Variants in NOCT observed in about 807,000 individuals in gnomAD.
The protein encoded by NOCT is nocturnin, also known as CCR4 carbon catabolite repression 4-like.
In NOCT, 18 loss-of-function variants were observed where a neutral mutation model predicts 35.0. The ratio of observed to expected loss-of-function variants is 0.51; its 90% confidence interval spans 0.36 to 0.76. The LOEUF is 0.76. NOCT is among the 30% of genes least tolerant of loss of function. NOCT has a pLI of 0.01. For synonymous variants in NOCT, 235 were observed against 226.3 expected (o/e 1.04, Z -0.34); for missense variants, 479 against 541.0 (o/e 0.89, Z 1.14).
rs545533241 is a variant in NOCT, at chr4:139,045,913, A to G, written c.*439A>G. On this transcript the variant is annotated 3_prime_UTR_variant, in exon 3 of 3. Coordinates refer to ENST00000280614, the MANE Select transcript of NOCT (RefSeq NM_012118.4). ...TTAGTCCCTTTTTCAATTAAAACCT[A>G]TGGTGAAAAAGGCGTTTGCACTCCA... is the stretch of plus-strand genomic sequence containing the variant. The G allele has an allele frequency of 1.3e-5, 2 of 153,366 alleles. No homozygotes were observed. Among genetic ancestry groups the G allele is most frequent in the African/African-American group, 4.8e-5 (2 of 41,538 alleles). The allele number at this position is 153,366 out of a possible 1,614,324, so 9.5% of individuals were successfully genotyped here.
chr4:139,044,678 T>A lies in NOCT; in HGVS notation c.500T>A (p.Val167Asp), dbSNP rs777805750. The change falls in exon 3 of 3, where the codon GTT becomes GAT. Residue 167 changes from valine to aspartate, a missense_variant. Val to Asp is a radical substitution (Grantham distance 152, BLOSUM62 -3). This residue lies in a region of NOCT where 265 missense variants were observed against 257.0 expected (regional missense o/e 1.03). Transcript: ENST00000280614. ...EGKDNFVQCPVEALKWEERKC... is the reference protein window; with the variant it reads ...EGKDNFVQCPDEALKWEERKC... ...AAAGACAACTTTGTACAGTGCCCTG[T>A]TGAAGCACTCAAATGGGAAGAAAGG... is the stretch of plus-strand genomic sequence containing the variant. The A allele has an allele frequency of 3.1e-6, 5 of 1,614,134 alleles. No individual in the cohort carries two copies. The highest frequency in any genetic ancestry group is 4.2e-6 in the Non-Finnish European group (5 of 1,179,976).
Position 139,017,560 on chromosome 4 carries a change from G to A in NOCT, c.190+1389G>A, listed in dbSNP as rs147099002. On this transcript the variant is annotated intron_variant, in intron 1 of 2. Coordinates refer to ENST00000280614, the MANE Select transcript of NOCT (RefSeq NM_012118.4). ...AATTTAAAAAAATAGGCCGGGCGCG[G>A]TGGCTCACGCCTGTAATCCAGCACT... Among the ~76,000 whole-genome samples the A allele has an allele frequency of 6.6e-5, 10 of 150,864 alleles. No homozygotes were observed. In the East Asian group the frequency reaches 2.0e-3, roughly 31 times the overall value.
chr4:139,038,325 G>A lies in NOCT; in HGVS notation c.191-4749G>A, dbSNP rs903156193. ...TTTTGAGGCCTTAGAATTTGGTCAC[G>A]CTGCAGTATATCCTGCATCTCAAAA... is the stretch of plus-strand genomic sequence containing the variant. On this transcript the variant is annotated intron_variant, in intron 1 of 2. Coordinates refer to ENST00000280614, the MANE Select transcript of NOCT (RefSeq NM_012118.4). Among the ~76,000 whole-genome samples, 21 of 152,038 alleles carry A rather than the reference G, an allele frequency of 1.4e-4. 1 individual carries two copies. The highest frequency in any genetic ancestry group is 2.4e-5 in the African/African-American group (1 of 41,412).
intron 1 of NOCT, among the ~76,000 whole-genome samples, chr4:139,020,794 A>T (rs1485046144): frequency 6.6e-6 from 1 of 152,102 alleles, no homozygotes; most frequent in Non-Finnish European, 1.5e-5. Flanking sequence ...GGCCGGGCAC[A>T]GTGGTTCACG....
Position 139,044,751 on chromosome 4 carries a change from G to C in NOCT, c.573G>C (p.Leu191Phe). 1 of 1,614,102 alleles carries C rather than the reference G, an allele frequency of 6.2e-7. No individual in the cohort carries two copies. Among genetic ancestry groups the C allele is most frequent in the Non-Finnish European group, 8.5e-7 (1 of 1,179,980 alleles). The change falls in exon 3 of 3, where the codon TTG (leucine) becomes TTC (phenylalanine). Residue 191 changes from leucine to phenylalanine, a missense_variant. By Grantham distance (22) the Leu-to-Phe change is conservative (BLOSUM62 0). Transcript: ENST00000280614. ...TCCTGGCCTACCAGCCTGATATATT[G>C]TGCCTCCAAGAGGTGGACCACTATT... is the stretch of plus-strand genomic sequence containing the variant. ...EEILAYQPDI[L>F]CLQEVDHYFD... is the part of the protein sequence containing the mutation.
chr4:139,030,186 A>T (rs1459759729), intron 1 of NOCT, among the ~76,000 whole-genome samples: 1 of 152,158 alleles, frequency 6.6e-6, no homozygotes, highest in East Asian at 1.9e-4. Flanking sequence ...GCCTAGAGTT[A>T]CGTTTAATGG....
At chr4:139,043,968 T>G (rs1726885570) in intron 2 of NOCT, 1 of 122,984 alleles carries the variant, frequency 8.1e-6, no homozygotes, top group Non-Finnish European at 1.7e-5. Context: ...AGACACTGTC[T>G]CAAAAAAATA....
chr4:139,044,188 C>G (rs1269969411), intron 2 of NOCT, among the ~76,000 whole-genome samples: 1 of 150,078 alleles, frequency 6.7e-6, no homozygotes, highest in African/African-American at 2.4e-5. Context: ...ATCTTTGATT[C>G]TTTTTCCCTA....
At chr4:139,036,283 C>G (rs1022261115) in intron 1 of NOCT, among the ~76,000 whole-genome samples, 3 of 151,946 alleles carry the variant, frequency 2.0e-5, no homozygotes, top group Non-Finnish European at 4.4e-5. Context: ...TCTAGAGAGA[C>G]AGAGTCTTGC....
At chr4:139,036,734 A>G (rs184551607) in intron 1 of NOCT, among the ~76,000 whole-genome samples, 1 of 152,348 alleles carries the variant, frequency 6.6e-6, no homozygotes, top group Admixed American at 6.5e-5. Flanking sequence ...CTACATTGGC[A>G]TAACTCAGTG....
chr4:139,044,748 A>G lies in NOCT; in HGVS notation c.570A>G (p.Ile190Met). The change falls in exon 3 of 3, where the codon ATA (isoleucine) becomes ATG (methionine). Residue 190 changes from isoleucine (I) to methionine (M), a missense_variant. Coordinates refer to ENST00000280614, the MANE Select transcript of NOCT (RefSeq NM_012118.4). The stretch of plus-strand genomic sequence containing the variant: ...AAATCCTGGCCTACCAGCCTGATAT[A>G]TTGTGCCTCCAAGAGGTGGACCACT... ...LEEILAYQPD[I>M]LCLQEVDHYF... 2 of 1,614,166 alleles carry G rather than the reference A, an allele frequency of 1.2e-6. No individual in the cohort carries two copies. Among genetic ancestry groups the G allele is most frequent in the Non-Finnish European group, 1.7e-6 (2 of 1,180,002 alleles).
At position 139,016,047 on chromosome 4, in the gene NOCT, C is replaced by T. The variant is rs1434427190; in HGVS notation, c.66C>T (p.Arg22=). The T allele has an allele frequency of 7.2e-7, 1 of 1,390,270 alleles. No homozygotes were observed. The allele number at this position is 1,390,270 out of a possible 1,614,324, so 86.1% of individuals were successfully genotyped here. ...LLQRDAPGLR[R]LPAPGLRRPL... ...AGAGGGACGCGCCCGGCCTGCGCCG[C>T]CTGCCCGCCCCAGGGCTGCGCCGCC... Residue 22 remains arginine (R), a synonymous_variant, in exon 1 of 3, where the codon CGC becomes CGT. Transcript: ENST00000280614.
At chr4:139,043,472 A>G in intron 2 of NOCT, 129 bp downstream of exon 2, 1 of 847,066 alleles carries the variant, frequency 1.2e-6, no homozygotes. Flanking sequence ...CTGCAGCAGC[A>G]TGGAGAGCTC....
rs1048253798 is a variant in NOCT at position 139,044,690 on chromosome 4, A to T, written c.512A>T (p.Lys171Ile). The change falls in exon 3 of 3, where the codon AAA becomes ATA. Residue 171 changes from lysine (K) to isoleucine (I), a missense_variant. This residue lies in a region of NOCT where 265 missense variants were observed against 257.0 expected (regional missense o/e 1.03). Transcript: ENST00000280614. Reference protein sequence around the residue: ...NFVQCPVEALKWEERKCLILE... With the variant: ...NFVQCPVEALIWEERKCLILE... ...GTACAGTGCCCTGTTGAAGCACTCA[A>T]ATGGGAAGAAAGGAAATGTCTCATC... is the stretch of plus-strand genomic sequence containing the variant. 2 of 1,614,082 alleles carry T rather than the reference A, an allele frequency of 1.2e-6. No homozygotes were observed. The highest frequency in any genetic ancestry group is 2.7e-5 in the African/African-American group (2 of 74,922).
rs10541748 is a variant in NOCT, at chr4:139,016,641, G to GTTTTTTT, written c.190+494_190+500dup. Among the ~76,000 whole-genome samples the GTTTTTTT allele has an allele frequency of 3.3e-4, 18 of 53,804 alleles. 3 individuals carry two copies. Among genetic ancestry groups the GTTTTTTT allele is most frequent in the African/African-American group, 4.6e-4 (6 of 13,092 alleles). 35.3% of individuals were successfully genotyped at this position (53,804 alleles called of 152,430 possible). A position where few individuals can be genotyped will look rare whatever the true frequency, so the allele number is the denominator to read the frequency against. On this transcript the variant is annotated intron_variant, in intron 1 of 2. Transcript: ENST00000280614. ...ATAACACATTGATTCGTTTTACGTT[G>GTTTTTTT]TTTTTTTTTTTTTTTTTTTTTTTTT... is the stretch of plus-strand genomic sequence containing the variant.
chr4:139,036,532 T>C (rs1010792304), intron 1 of NOCT, among the ~76,000 whole-genome samples: 4 of 152,214 alleles, frequency 2.6e-5, no homozygotes, highest in African/African-American at 9.6e-5. Flanking sequence ...TAAATCCTAT[T>C]TTTTCGAAGT....
chr4:139,044,655 A>C lies in NOCT; in HGVS notation c.477A>C (p.Lys159Asn). 6.2e-7 allele frequency: 1 copy of C among 1,610,588 alleles called. No homozygotes were observed. The highest frequency in any genetic ancestry group is 8.5e-7 in the Non-Finnish European group (1 of 1,177,482). Residue 159 changes from lysine (K) to asparagine (N), a missense_variant, in exon 3 of 3, where the codon AAA (lysine) becomes AAC (asparagine). Around this residue, in one of 2 missense-constraint regions of NOCT, gnomAD observed 265 missense variants for 257.0 expected, o/e 1.03. Coordinates refer to ENST00000280614, the MANE Select transcript of NOCT (RefSeq NM_012118.4). ...NILAQALGEG[K>N]DNFVQCPVEA... ...TCTTTTCAGCTCTTGGAGAAGGCAA[A>C]GACAACTTTGTACAGTGCCCTGTTG... is the stretch of plus-strand genomic sequence containing the variant.
At chr4:139,037,468 CTA>C (rs1726755885) in intron 1 of NOCT, among the ~76,000 whole-genome samples, 4 of 152,034 alleles carry the variant, frequency 2.6e-5, no homozygotes, top group Admixed American at 2.6e-4. Context: ...CAGGGTCTCA[CTA>C]TGTTGCCCAG....
intron 1 of NOCT, among the ~76,000 whole-genome samples, chr4:139,041,834 A>C (rs1396637838): frequency 6.6e-6 from 1 of 152,168 alleles, no homozygotes; most frequent in Non-Finnish European, 1.5e-5. Context: ...ACAAGATTAT[A>C]GAGTATACCA....
Sources: allele counts gnomAD v4.1 joint callset (sites outside exome capture counted in the v4.1 genomes callset), GRCh38; gene constraint gnomAD v4.1.1; regional missense constraint gnomAD v4.1.1; transcripts MANE v1.5; gene names NCBI Gene and HGNC (gene_info 2026-07-23, HGNC 2026-07-21).